The following SLC25A26 variants were observed in gnomAD, a reference collection of about 807,000 sequenced individuals.
SLC25A26 encodes solute carrier family 25 member 26.
Under a neutral mutation model 37.8 loss-of-function variants are expected in SLC25A26, and 36 were observed. That is an observed-to-expected ratio of 0.95 (90% CI 0.73 to 1.26). The LOEUF (loss-of-function observed/expected upper bound fraction) is 1.26. Among genes scored for constraint, SLC25A26 ranks in the 50% most tolerant of loss-of-function variants. The pLI is 0.00. For missense variants in SLC25A26, 390 were observed against 331.1 expected, an observed-to-expected ratio of 1.18 and a Z score of -1.38; for synonymous variants, 129 against 122.5, an observed-to-expected ratio of 1.05 and a Z score of -0.35.
At chr3:66,256,865 T>TCTGAGTGACAGAAC (rs1283223461) in intron 3 of SLC25A26, among the ~76,000 whole-genome samples, 2 of 152,210 alleles carry the variant, frequency 1.3e-5, no homozygotes. Context: ...CTTACTGTAG[T>TCTGAGTGACAGAAC]CTGAGTGACA....
intron 5 of SLC25A26, 91 bp from the exon 6 acceptor site, chr3:66,346,273 G>A (rs955603754): frequency 3.3e-6 from 2 of 603,676 alleles, no homozygotes; most frequent in Non-Finnish European, 5.7e-6. Flanking sequence ...TTGTTATAAA[G>A]TTGAAATAAT....
chr3:66,284,195 A>T (rs1002721649), intron 5 of SLC25A26, among the ~76,000 whole-genome samples: 22 of 152,012 alleles, frequency 1.4e-4, no homozygotes, highest in Non-Finnish European at 2.9e-4. Flanking sequence ...AAAAATTTTT[A>T]AAAAATTGCT....
At chr3:66,154,172 C>A (rs1448870090) in intron 1 of SLC25A26, among the ~76,000 whole-genome samples, 1 of 152,122 alleles carries the variant, frequency 6.6e-6, no homozygotes, top group Admixed American at 6.5e-5. Flanking sequence ...CCGCAGATCT[C>A]ACAAACTTCA....
At chr3:66,357,030 G>A (rs1482823779) in intron 6 of SLC25A26, among the ~76,000 whole-genome samples, 1 of 152,128 alleles carries the variant, frequency 6.6e-6, no homozygotes, top group African/African-American at 2.4e-5. Flanking sequence ...CTGTATTAAG[G>A]AAGCTTTACT....
chr3:66,319,109 T>C (rs2075621556), intron 5 of SLC25A26, among the ~76,000 whole-genome samples: 1 of 152,232 alleles, frequency 6.6e-6, no homozygotes, highest in South Asian at 2.1e-4. Context: ...AAACTTAGTT[T>C]TGAGGTGAGA....
intron 1 of SLC25A26, among the ~76,000 whole-genome samples, chr3:66,209,602 G>T (rs1323793055): frequency 2.4e-5 from 3 of 124,518 alleles, no homozygotes; most frequent in African/African-American, 5.6e-5. Context: ...TATATAAAAG[G>T]TATATATATA....
chr3:66,311,447 G>T (rs1453626477), intron 5 of SLC25A26, among the ~76,000 whole-genome samples: 1 of 151,944 alleles, frequency 6.6e-6, no homozygotes, highest in Admixed American at 6.6e-5. Flanking sequence ...TGCTCCTTTA[G>T]CTCCGAGGAG....
At chr3:66,217,886 T>G (rs1387579609), upstream of SLC25A26, among the ~76,000 whole-genome samples, 1 of 152,202 alleles carries the variant, frequency 6.6e-6, no homozygotes, top group Non-Finnish European at 1.5e-5. Flanking sequence ...CCATTCTAAT[T>G]GTGCAAGTCA....
chr3:66,144,529 G>C (rs1459332797), intron 1 of SLC25A26, among the ~76,000 whole-genome samples: 1 of 152,182 alleles, frequency 6.6e-6, no homozygotes, highest in Non-Finnish European at 1.5e-5. Flanking sequence ...CTGTCAGAAT[G>C]CTGAGCTGAG....
At chr3:66,162,742 G>T (rs1300393693) in intron 1 of SLC25A26, among the ~76,000 whole-genome samples, 1 of 152,232 alleles carries the variant, frequency 6.6e-6, no homozygotes, top group Non-Finnish European at 1.5e-5. Flanking sequence ...TGCAGATGCA[G>T]TCTCTTGGCT....
intron 5 of SLC25A26, among the ~76,000 whole-genome samples, chr3:66,263,930 T>A (rs2107297964): frequency 6.6e-6 from 1 of 152,052 alleles, no homozygotes; most frequent in Non-Finnish European, 1.5e-5. Flanking sequence ...AGTGCTGGGA[T>A]TACAGGCGTG....
chr3:66,225,622 T>G (rs2071708873), intron 1 of SLC25A26, among the ~76,000 whole-genome samples: 1 of 152,246 alleles, frequency 6.6e-6, no homozygotes, highest in South Asian at 2.1e-4. Context: ...TATGCAAATT[T>G]CTGCAGCCAG....
chr3:66,371,918 A>G (rs1700364364), intron 9 of SLC25A26, among the ~76,000 whole-genome samples: 1 of 152,142 alleles, frequency 6.6e-6, no homozygotes, highest in South Asian at 2.1e-4. Context: ...GCAATATGGC[A>G]AGACTCTGTC....
intron 5 of SLC25A26, among the ~76,000 whole-genome samples, chr3:66,317,021 C>T (rs1486770036): frequency 6.6e-6 from 1 of 152,140 alleles, no homozygotes; most frequent in Non-Finnish European, 1.5e-5. Flanking sequence ...TATCATGGTT[C>T]TTCACTTCTT....
intron 3 of SLC25A26, among the ~76,000 whole-genome samples, chr3:66,244,406 G>A (rs1173717234): frequency 6.6e-6 from 1 of 152,136 alleles, no homozygotes. Context: ...TCTCTCTCTC[G>A]AAGTAGGCAT....
intron 2 of SLC25A26, among the ~76,000 whole-genome samples, chr3:66,239,721 T>C (rs1236690488): frequency 6.6e-6 from 1 of 152,150 alleles, no homozygotes; most frequent in Non-Finnish European, 1.5e-5. Context: ...AAAGCTGCAT[T>C]TTCAAAACAA....
At chr3:66,252,731 C>T (rs2073133159) in intron 3 of SLC25A26, among the ~76,000 whole-genome samples, 1 of 152,128 alleles carries the variant, frequency 6.6e-6, no homozygotes, top group Non-Finnish European at 1.5e-5. Context: ...GGAAAGGTAT[C>T]TATTCAGAAG....
intron 1 of SLC25A26, among the ~76,000 whole-genome samples, chr3:66,207,794 C>T (rs931051528): frequency 5.6e-4 from 85 of 152,232 alleles, no homozygotes; most frequent in African/African-American, 2.0e-3. Flanking sequence ...TTTTCTTGCC[C>T]ATCTAATCTT....
intron 1 of SLC25A26, among the ~76,000 whole-genome samples, chr3:66,184,167 C>G (rs1482343269): frequency 6.6e-6 from 1 of 152,078 alleles, no homozygotes; most frequent in Admixed American, 6.6e-5. Context: ...TACCACAGCT[C>G]TAATACTTAT....
Sources: allele counts gnomAD v4.1 joint callset (sites outside exome capture counted in the v4.1 genomes callset), GRCh38; gene constraint gnomAD v4.1.1; transcripts MANE v1.5; gene names NCBI Gene and HGNC (gene_info 2026-07-23, HGNC 2026-07-21).